HDAC2: variants seen among roughly 807,000 people sequenced by gnomAD.
The protein encoded by HDAC2 is histone deacetylase 2, also known as YY1-associated factor 1.
HDAC2 carries 5 observed loss-of-function variants against 68.5 expected under a neutral mutation model. That is an observed-to-expected ratio of 0.07 (90% CI 0.04 to 0.15). HDAC2 has a LOEUF of 0.15. HDAC2 is among the 10% of genes least tolerant of loss of function. The pLI is 1.00. For synonymous variants in HDAC2, 182 were observed against 191.3 expected, an observed-to-expected ratio of 0.95 and a Z score of 0.40; for missense variants, 291 against 600.8, an observed-to-expected ratio of 0.48 and a Z score of 5.39.
intron 6 of HDAC2, among the ~76,000 whole-genome samples, chr6:113,952,848 A>C (rs1415886706): frequency 1.3e-5 from 2 of 152,226 alleles, no homozygotes; most frequent in Non-Finnish European, 2.9e-5. Context: ...TAAAGAAAAA[A>C]AAAGATTAAA....
At chr6:113,943,563 T>C (rs556662064) in intron 11 of HDAC2, 57 bp from the exon 12 acceptor site, 4 of 1,367,288 alleles carry the variant, frequency 2.9e-6, no homozygotes, top group South Asian at 2.7e-5. Context: ...TTATAATCAT[T>C]ACAGCATACT....
At chr6:113,970,782 C>A in intron 1 of HDAC2, 75 bp downstream of exon 1, 1 of 1,441,504 alleles carries the variant, frequency 6.9e-7, no homozygotes. Flanking sequence ...AGCCCCGGCG[C>A]CCACTCGCGA....
At chr6:113,956,906 T>C in intron 3 of HDAC2, 2 of 474,972 alleles carry the variant, frequency 4.2e-6, no homozygotes, top group African/African-American at 1.9e-5. Context: ...TCAAATCTTA[T>C]CAGGATTATC....
chr6:113,933,926 C>T lies in HDAC2; in HGVS notation c.*7132G>A, dbSNP rs924096878. ...TTTACATGTTCAAATTAGTATAGTT[C>T]CTGTCTCCTGACTGAACGCTGATGC... On this transcript the variant is annotated 3_prime_UTR_variant, in exon 14 of 14. Transcript: ENST00000519065. 1 of 151,732 alleles carries T rather than the reference C, an allele frequency of 6.6e-6. No individual in the cohort carries two copies. The highest frequency in any genetic ancestry group is 1.5e-5 in the Non-Finnish European group (1 of 67,980). 9.4% of individuals were successfully genotyped at this position (151,732 alleles called of 1,614,324 possible).
At chr6:113,948,116 G>A (rs1776305743) in intron 8 of HDAC2, 1 of 151,946 alleles carries the variant, frequency 6.6e-6, no homozygotes, top group Non-Finnish European at 1.5e-5. Context: ...TTTTGCTTTG[G>A]CCTAGCCTTC....
In HDAC2 at chr6:113,940,379, C is replaced by G. The variant is rs1562138876; in HGVS notation, c.*679G>C. On this transcript the variant is annotated 3_prime_UTR_variant, in exon 14 of 14. Coordinates refer to ENST00000519065, the MANE Select transcript of HDAC2 (RefSeq NM_001527.4). ...ACAAGTTCTGGTCAGTTTCTTCTTT[C>G]AATTCAGAATTTCCATTTCAATTTT... 6.6e-6 allele frequency: 1 copy of G among 152,150 alleles called. No homozygotes were observed. The highest frequency in any genetic ancestry group is 1.5e-5 in the Non-Finnish European group (1 of 68,008). The allele number at this position is 152,150 out of a possible 1,614,324, so 9.4% of individuals were successfully genotyped here. A position where few individuals can be genotyped will look rare whatever the true frequency, so the allele number is the denominator to read the frequency against.
At position 113,959,777 on chromosome 6, in the gene HDAC2, AGTTT is replaced by A. The variant is rs563100433; in HGVS notation, c.165+125_165+128del. On this transcript the variant is annotated intron_variant, in intron 2 of 13. Transcript: ENST00000519065. ...TCTCCTAAGAATAAACGAAAAAAGA[AGTTT>A]GTTTTCTTCCAGATCTTTTCATCTG... 3.9e-5 allele frequency: 23 copies of A among 591,846 alleles called. No homozygotes were observed. The South Asian group carries it at 4.0e-4, about 10-fold the overall frequency. The allele number at this position is 591,846 out of a possible 1,614,324, so 36.7% of individuals were successfully genotyped here. A position where few individuals can be genotyped will look rare whatever the true frequency, so the allele number is the denominator to read the frequency against.
At position 113,943,293 on chromosome 6, in the gene HDAC2, T is replaced by G. The variant is rs776578588; in HGVS notation, c.1378+58A>C. 6 of 1,402,672 alleles carry G rather than the reference T, an allele frequency of 4.3e-6. No individual in the cohort carries two copies. In the African/African-American group the frequency reaches 8.6e-5, roughly 20 times the overall value. The allele number at this position is 1,402,672 out of a possible 1,614,324, so 86.9% of individuals were successfully genotyped here. A position where few individuals can be genotyped will look rare whatever the true frequency, so the allele number is the denominator to read the frequency against. ...CTTCTCGATAGCATAAACATTATAA[T>G]GCAGCCCAATTTTTAAAATTTACAA... On this transcript the variant is annotated intron_variant, in intron 12 of 13. Transcript: ENST00000519065.
At position 113,939,987 on chromosome 6, in the gene HDAC2, A is replaced by C. The variant is rs1486179479; in HGVS notation, c.*1071T>G. Reference sequence around the variant, plus strand: ...CAAAAGAATCAATGTGGGCCTGACAAAAAGGGAGATTTCACTGATTTTGGC... The same window carrying C: ...CAAAAGAATCAATGTGGGCCTGACACAAAGGGAGATTTCACTGATTTTGGC... On this transcript the variant is annotated 3_prime_UTR_variant, in exon 14 of 14. Transcript: ENST00000519065. 1 of 152,216 alleles carries C rather than the reference A, an allele frequency of 6.6e-6. No individual in the cohort carries two copies. The highest frequency in any genetic ancestry group is 2.4e-5 in the African/African-American group (1 of 41,468). The allele number at this position is 152,216 out of a possible 1,614,324, so 9.4% of individuals were successfully genotyped here.
chr6:113,950,227 AT>A (rs1562143384), intron 6 of HDAC2, among the ~76,000 whole-genome samples: 105 of 152,272 alleles, frequency 6.9e-4, no homozygotes, highest in African/African-American at 2.5e-3. Flanking sequence ...TATATTATAT[AT>A]ACTTACTTAT....
Position 113,970,971 on chromosome 6 carries a change from C to T in HDAC2, c.-63G>A, listed in dbSNP as rs751926780. 92 of 1,549,538 alleles carry T rather than the reference C, an allele frequency of 5.9e-5. No homozygotes were observed. The African/African-American group carries it at 9.7e-4, about 16-fold the overall frequency. On this transcript the variant is annotated 5_prime_UTR_variant, in exon 1 of 14. Transcript: ENST00000519065. ...CTGCTGCTGCTGCTGCTGCTGCTGC[C>T]GCCGCGGCTCGGCCGGGAGAGAAAA...
Position 113,940,820 on chromosome 6 carries a change from C to G in HDAC2, c.*238G>C. 2.6e-6 allele frequency: 1 copy of G among 388,610 alleles called. No individual in the cohort carries two copies. The highest frequency in any genetic ancestry group is 4.6e-6 in the Non-Finnish European group (1 of 218,190). 24.1% of individuals were successfully genotyped at this position (388,610 alleles called of 1,614,324 possible). ...GATCAGTTTTTTTGACATAATAACT[C>G]ACATCAATTTTAAATACTATCACAT... On this transcript the variant is annotated 3_prime_UTR_variant, in exon 14 of 14. Coordinates refer to ENST00000519065, the MANE Select transcript of HDAC2 (RefSeq NM_001527.4).
At chr6:113,944,207 G>A in intron 11 of HDAC2, 73 bp downstream of exon 11, 1 of 1,286,406 alleles carries the variant, frequency 7.8e-7, no homozygotes, top group Non-Finnish European at 1.1e-6. Flanking sequence ...TTATAGTGAA[G>A]TTCTTAGGCC....
intron 9 of HDAC2, 81 bp from the exon 10 acceptor site, chr6:113,945,551 G>A: frequency 2.7e-6 from 2 of 751,330 alleles, no homozygotes; most frequent in Admixed American, 2.2e-5. Context: ...AGATTTAGGT[G>A]GTGAAATATT....
rs1582481686 is a variant in HDAC2 at position 113,948,727 on chromosome 6, C to T, written c.841+252G>A. 4.4e-5 allele frequency: 18 copies of T among 407,472 alleles called. No individual in the cohort carries two copies. In the East Asian group the frequency reaches 7.0e-4, roughly 16 times the overall value. The allele number at this position is 407,472 out of a possible 1,614,324, so 25.2% of individuals were successfully genotyped here. A position where few individuals can be genotyped will look rare whatever the true frequency, so the allele number is the denominator to read the frequency against. On this transcript the variant is annotated intron_variant, in intron 8 of 13. Coordinates refer to ENST00000519065, the MANE Select transcript of HDAC2 (RefSeq NM_001527.4). ...TATTTACACTGAGTCAACAACCATT[C>T]AAAAATAGCTGCCTTGGGTTCAAAC...
rs1352183587 is a variant in HDAC2 at position 113,934,341 on chromosome 6, G to C, written c.*6717C>G. 1 of 152,176 alleles carries C rather than the reference G, an allele frequency of 6.6e-6. No individual in the cohort carries two copies. Among genetic ancestry groups the C allele is most frequent in the African/African-American group, 2.4e-5 (1 of 41,450 alleles). The allele number at this position is 152,176 out of a possible 1,614,324, so 9.4% of individuals were successfully genotyped here. On this transcript the variant is annotated 3_prime_UTR_variant, in exon 14 of 14. Coordinates refer to ENST00000519065, the MANE Select transcript of HDAC2 (RefSeq NM_001527.4). ...GGAAAAGCATGTCAGCTGTTACCTA[G>C]TCAGTTTCATAGATTTAGTAAACTG...
intron 5 of HDAC2, 94 bp from the exon 6 acceptor site, chr6:113,953,512 G>C: frequency 1.5e-6 from 1 of 679,308 alleles, no homozygotes; most frequent in Non-Finnish European, 2.5e-6. Flanking sequence ...TTGAGCTCTT[G>C]CATTCCAGAA....
At position 113,971,127 on chromosome 6, in the gene HDAC2, G is replaced by C; in HGVS notation, c.-219C>G. The C allele has an allele frequency of 6.5e-7, 1 of 1,542,274 alleles. No individual in the cohort carries two copies. The highest frequency in any genetic ancestry group is 8.8e-7 in the Non-Finnish European group (1 of 1,142,452). The stretch of plus-strand genomic sequence containing the variant: ...AAAGCTCGGAATCGGAGGTGGCAGC[G>C]GCACCAACTCGCGAGGAGGGGGCCA... On this transcript the variant is annotated 5_prime_UTR_variant, in exon 1 of 14. Coordinates refer to ENST00000519065, the MANE Select transcript of HDAC2 (RefSeq NM_001527.4).
chr6:113,969,457 T>C (rs1456122274), intron 1 of HDAC2, among the ~76,000 whole-genome samples: 1 of 152,238 alleles, frequency 6.6e-6, no homozygotes, highest in African/African-American at 2.4e-5. Flanking sequence ...GGGGTCTTAC[T>C]TCTCTAAAAT....
Sources: allele counts gnomAD v4.1 joint callset (sites outside exome capture counted in the v4.1 genomes callset), GRCh38; gene constraint gnomAD v4.1.1; transcripts MANE v1.5; gene names NCBI Gene and HGNC (gene_info 2026-07-23, HGNC 2026-07-21).